The following USH2A variants were observed in gnomAD, a reference collection of about 807,000 sequenced individuals.
The protein encoded by USH2A is Usher syndrome 2A (autosomal recessive, mild).
USH2A carries 443 observed loss-of-function variants against 538.9 expected under a neutral mutation model. That is an observed-to-expected ratio of 0.82 (90% confidence interval 0.76 to 0.89). The LOEUF (loss-of-function observed/expected upper bound fraction) is 0.89, where lower values mean the gene tolerates loss of function less well. Among genes scored for constraint, USH2A ranks in the 40% least tolerant of loss-of-function variants. The pLI, the probability that USH2A is intolerant of heterozygous loss-of-function variation, is 0.00. For missense variants in USH2A, 6,633 were observed against 6,324.8 expected, an observed-to-expected ratio of 1.05 and a Z score of -1.65; for synonymous variants, 2,413 against 2,273.5, an observed-to-expected ratio of 1.06 and a Z score of -1.75.
intron 22 of USH2A, among the ~76,000 whole-genome samples, chr1:216,090,881 T>C (rs1307689478): frequency 6.6e-6 from 1 of 152,194 alleles, no homozygotes; most frequent in Non-Finnish European, 1.5e-5. Flanking sequence ...AAATGCTGTC[T>C]CATCAAAGTG....
intron 4 of USH2A, among the ~76,000 whole-genome samples, chr1:216,345,859 C>T (rs2038165239): frequency 6.6e-6 from 1 of 152,032 alleles, no homozygotes; most frequent in Non-Finnish European, 1.5e-5. Flanking sequence ...TTTGGGGGTT[C>T]ATGTCATAGT....
chr1:216,212,358 AT>A (rs1339117222), intron 15 of USH2A, among the ~76,000 whole-genome samples: 1 of 152,176 alleles, frequency 6.6e-6, no homozygotes, highest in East Asian at 1.9e-4. Flanking sequence ...TGAGAATAAT[AT>A]TATTAAATCT....
At chr1:215,912,301 A>G (rs574533476) in intron 38 of USH2A, among the ~76,000 whole-genome samples, 49 of 151,940 alleles carry the variant, frequency 3.2e-4, no homozygotes, top group Non-Finnish European at 4.4e-4. Flanking sequence ...ATTTTCCCCA[A>G]TGTTTTCTTG....
intron 3 of USH2A, among the ~76,000 whole-genome samples, chr1:216,384,226 T>C (rs779334316): frequency 1.3e-5 from 2 of 151,838 alleles, no homozygotes; most frequent in African/African-American, 2.4e-5. Flanking sequence ...TTACATATAA[T>C]TTCTAAATAT....
rs762646660 is a variant in USH2A at position 215,625,526 on chromosome 1, C to T, written c.*255G>A. 1.0e-4 allele frequency: 53 copies of T among 517,738 alleles called. No individual in the cohort carries two copies. The highest frequency in any genetic ancestry group is 1.6e-4 in the Admixed American group (5 of 31,338). 32.1% of individuals were successfully genotyped at this position (517,738 alleles called of 1,614,324 possible). A position where few individuals can be genotyped will look rare whatever the true frequency, so the allele number is the denominator to read the frequency against. ...AACAGAACCAAGTGACAATTACATA[C>T]TTCTTTGTCTTCTACAAAATAAGAG... is the stretch of plus-strand genomic sequence containing the variant. On this transcript the variant is annotated 3_prime_UTR_variant, in exon 72 of 72. Coordinates refer to ENST00000307340, the MANE Select transcript of USH2A (RefSeq NM_206933.4).
chr1:216,337,926 G>A (rs960315857), intron 4 of USH2A, among the ~76,000 whole-genome samples: 40 of 150,884 alleles, frequency 2.7e-4, no homozygotes, highest in African/African-American at 9.0e-4. Context: ...CCAAAACCTT[G>A]AGATACCTAG....
At chr1:215,844,222 C>T (rs1663775199) in intron 46 of USH2A, 72 bp downstream of exon 46, 3 of 1,470,950 alleles carry the variant, frequency 2.0e-6, no homozygotes, top group Non-Finnish European at 2.8e-6. Flanking sequence ...AAGATATCCA[C>T]TTGAAGACAT....
chr1:216,152,374 C>T (rs2033854477), intron 21 of USH2A, among the ~76,000 whole-genome samples: 1 of 152,102 alleles, frequency 6.6e-6, no homozygotes, highest in Admixed American at 6.5e-5. Context: ...CGGTCCTTGC[C>T]TTAACTTATG....
chr1:215,918,116 T>C (rs1183598062), intron 38 of USH2A, among the ~76,000 whole-genome samples: 1 of 152,094 alleles, frequency 6.6e-6, no homozygotes, highest in African/African-American at 2.4e-5. Flanking sequence ...GAGAAAAATT[T>C]AGTCATTTAA....
chr1:215,812,459 T>C (rs1279282643), intron 49 of USH2A, among the ~76,000 whole-genome samples: 1 of 152,174 alleles, frequency 6.6e-6, no homozygotes, highest in African/African-American at 2.4e-5. Flanking sequence ...ACGCCTTCTA[T>C]ATTTGCTCCA....
At chr1:215,955,352 T>A (rs1227439190) in intron 37 of USH2A, among the ~76,000 whole-genome samples, 1 of 152,148 alleles carries the variant, frequency 6.6e-6, no homozygotes, top group African/African-American at 2.4e-5. Flanking sequence ...AATTTAAATG[T>A]CTAACAAATT....
At chr1:215,967,074 G>T (rs1227212752) in intron 36 of USH2A, among the ~76,000 whole-genome samples, 2 of 152,194 alleles carry the variant, frequency 1.3e-5, no homozygotes, top group Non-Finnish European at 2.9e-5. Context: ...AAAGGTAAAA[G>T]TTGGCTTGGC....
intron 50 of USH2A, among the ~76,000 whole-genome samples, chr1:215,791,022 C>T (rs1044498428): frequency 2.0e-5 from 3 of 152,108 alleles, no homozygotes; most frequent in African/African-American, 4.8e-5. Flanking sequence ...CACATCTAAA[C>T]GAAAGACACA....
At chr1:215,712,244 T>G (rs978125857) in intron 61 of USH2A, among the ~76,000 whole-genome samples, 7 of 152,204 alleles carry the variant, frequency 4.6e-5, no homozygotes, top group African/African-American at 1.2e-4. Context: ...ACATTTAGAT[T>G]CTTATAAATC....
rs1158732348 is a variant in USH2A at position 215,671,081 on chromosome 1, C to T, written c.14024G>A (p.Arg4675Lys). Residue 4675 changes from arginine to lysine, a missense_variant, in exon 64 of 72, where the codon AGA (arginine) becomes AAA (lysine). Coordinates refer to ENST00000307340, the MANE Select transcript of USH2A (RefSeq NM_206933.4). Reference protein sequence around the residue: ...GKVLYYELYRRQIATQPRKSN... With the variant: ...GKVLYYELYRKQIATQPRKSN... ...TTTTCTAGGCTGAGTTGCTATTTGT[C>T]TTCTGTATAATTCGTAATACAAAAC... The T allele has an allele frequency of 3.1e-6, 5 of 1,614,122 alleles. No homozygotes were observed. Among genetic ancestry groups the T allele is most frequent in the Non-Finnish European group, 4.2e-6 (5 of 1,180,016 alleles).
At chr1:215,854,269 A>G (rs1664097630) in intron 44 of USH2A, among the ~76,000 whole-genome samples, 1 of 152,122 alleles carries the variant, frequency 6.6e-6, no homozygotes, top group Non-Finnish European at 1.5e-5. Context: ...ATTCACTATC[A>G]TGAGAATAGC....
chr1:215,991,584 T>C (rs1668006069), intron 35 of USH2A, among the ~76,000 whole-genome samples: 1 of 152,216 alleles, frequency 6.6e-6, no homozygotes, highest in African/African-American at 2.4e-5. Flanking sequence ...TGGAATACCA[T>C]GGAAGTGTCA....
intron 35 of USH2A, among the ~76,000 whole-genome samples, chr1:215,974,032 T>G (rs1012675111): frequency 6.6e-6 from 1 of 151,270 alleles, no homozygotes; most frequent in South Asian, 2.1e-4. Flanking sequence ...GAGGAAGGGC[T>G]GAAGGATGAA....
At position 215,888,317 on chromosome 1, in the gene USH2A, T is replaced by C. The variant is rs140265131; in HGVS notation, c.8223+109A>G. The stretch of plus-strand genomic sequence containing the variant: ...AAACCCAGTTTCTCCAGTGAATGCC[T>C]AAAACAACAAATGCGTTTGTTTAGT... On this transcript the variant is annotated intron_variant, in intron 41 of 71. Coordinates refer to ENST00000307340, the MANE Select transcript of USH2A (RefSeq NM_206933.4). 2.0e-4 allele frequency: 317 copies of C among 1,553,748 alleles called. 1 individual carries two copies. In the East Asian group the frequency reaches 6.7e-3, roughly 33 times the overall value.
Sources: gnomAD v4.1 joint callset for allele counts (sites outside exome capture counted in the v4.1 genomes callset) on GRCh38, gnomAD v4.1.1 for gene constraint, MANE v1.5 for transcripts, NCBI Gene and HGNC (gene_info 2026-07-23, HGNC 2026-07-21) for gene names.